Variants in SLC24A3 observed in about 807,000 individuals in gnomAD.
SLC24A3 encodes the protein solute carrier family 24 member 3.
SLC24A3 carries 28 observed loss-of-function variants against 75.8 expected under a neutral mutation model. That is an observed-to-expected ratio of 0.37 (90% CI 0.27 to 0.51). The LOEUF (loss-of-function observed/expected upper bound fraction) is 0.51. SLC24A3 is among the 20% of genes least tolerant of loss of function. The pLI, the probability that SLC24A3 is intolerant of heterozygous loss-of-function variation, is 0.94. For synonymous variants in SLC24A3, 372 were observed against 334.1 expected, an observed-to-expected ratio of 1.11 and a Z score of -1.24; for missense variants, 663 against 847.8, an observed-to-expected ratio of 0.78 and a Z score of 2.71.
At chr20:19,433,955 G>A (rs1195838916) in intron 2 of SLC24A3, among the ~76,000 whole-genome samples, 2 of 152,204 alleles carry the variant, frequency 1.3e-5, no homozygotes, top group African/African-American at 2.4e-5. Context: ...GGTTGGGTGT[G>A]AGCTCTGGAT....
At chr20:19,509,552 A>G (rs781306468) in intron 2 of SLC24A3, among the ~76,000 whole-genome samples, 9 of 152,230 alleles carry the variant, frequency 5.9e-5, no homozygotes, top group African/African-American at 9.6e-5. Flanking sequence ...AGAAAATCGC[A>G]TGCCCCACAC....
intron 15 of SLC24A3, among the ~76,000 whole-genome samples, chr20:19,704,109 G>A (rs1164891662): frequency 6.6e-6 from 1 of 152,188 alleles, no homozygotes; most frequent in African/African-American, 2.4e-5. Context: ...CTAGCGCAGT[G>A]CTTGGCACTT....
At chr20:19,637,129 T>A (rs998547256) in intron 6 of SLC24A3, among the ~76,000 whole-genome samples, 1 of 140,792 alleles carries the variant, frequency 7.1e-6, no homozygotes, top group African/African-American at 2.4e-5. Flanking sequence ...CAAAACCCCG[T>A]CTCTACTAAA....
At chr20:19,368,672 C>G (rs1238288071) in intron 2 of SLC24A3, among the ~76,000 whole-genome samples, 1 of 152,212 alleles carries the variant, frequency 6.6e-6, no homozygotes, top group Non-Finnish European at 1.5e-5. Flanking sequence ...GGGCAGGCAG[C>G]CATGACAACC....
At chr20:19,275,989 G>T (rs969561278) in intron 1 of SLC24A3, among the ~76,000 whole-genome samples, 5 of 152,206 alleles carry the variant, frequency 3.3e-5, no homozygotes, top group Admixed American at 2.6e-4. Flanking sequence ...GAATGCCATG[G>T]ACAGGGGCCA....
At chr20:19,418,095 T>C (rs1173113927) in intron 2 of SLC24A3, among the ~76,000 whole-genome samples, 1 of 152,196 alleles carries the variant, frequency 6.6e-6, no homozygotes, top group Non-Finnish European at 1.5e-5. Flanking sequence ...TCAGTCAACA[T>C]TTTAGCTCCT....
chr20:19,358,611 T>C (rs1212264820), intron 2 of SLC24A3, among the ~76,000 whole-genome samples: 3 of 152,214 alleles, frequency 2.0e-5, no homozygotes, highest in African/African-American at 4.8e-5. Context: ...ATCTTCCTTT[T>C]AAGAAAACAT....
chr20:19,392,771 T>A (rs1363641266), intron 2 of SLC24A3, among the ~76,000 whole-genome samples: 1 of 152,206 alleles, frequency 6.6e-6, no homozygotes. Context: ...TCATGCATCT[T>A]CATTTCAGAT....
intron 4 of SLC24A3, 23 bp from the exon 5 acceptor site, chr20:19,584,948 G>C: frequency 6.2e-7 from 1 of 1,604,752 alleles, no homozygotes; most frequent in Non-Finnish European, 8.5e-7. Context: ...ACTCACCTGT[G>C]CTTTGTCTTT....
intron 6 of SLC24A3, among the ~76,000 whole-genome samples, chr20:19,645,089 C>A (rs572269843): frequency 1.3e-5 from 2 of 152,294 alleles, no homozygotes; most frequent in East Asian, 3.9e-4. Flanking sequence ...GAGTGAATGG[C>A]TAACTCTTCT....
intron 2 of SLC24A3, among the ~76,000 whole-genome samples, chr20:19,286,578 G>A (rs774126000): frequency 3.9e-5 from 6 of 152,132 alleles, no homozygotes; most frequent in South Asian, 2.1e-4. Context: ...ACCGCCCAAG[G>A]TCAGAGGGCT....
chr20:19,531,927 GTAT>G (rs1352814190), intron 3 of SLC24A3, among the ~76,000 whole-genome samples: 1 of 152,170 alleles, frequency 6.6e-6, no homozygotes, highest in Non-Finnish European at 1.5e-5. Flanking sequence ...CATGACAGAA[GTAT>G]TATCTCCTCC....
intron 2 of SLC24A3, among the ~76,000 whole-genome samples, chr20:19,446,084 C>A (rs1487681512): frequency 6.6e-6 from 1 of 152,176 alleles, no homozygotes; most frequent in Non-Finnish European, 1.5e-5. Context: ...CACCAGAACT[C>A]TGACTCATCT....
At chr20:19,481,514 A>G (rs1988053435) in intron 2 of SLC24A3, among the ~76,000 whole-genome samples, 1 of 152,202 alleles carries the variant, frequency 6.6e-6, no homozygotes, top group South Asian at 2.1e-4. Flanking sequence ...AGAATCTGGC[A>G]GAGATTCAGG....
intron 1 of SLC24A3, among the ~76,000 whole-genome samples, chr20:19,255,540 G>A (rs1019040014): frequency 6.6e-6 from 1 of 152,366 alleles, no homozygotes; most frequent in African/African-American, 2.4e-5. Flanking sequence ...GCCACTGGAT[G>A]GTCCCAGGAA....
intron 2 of SLC24A3, among the ~76,000 whole-genome samples, chr20:19,503,195 C>T (rs1413881074): frequency 6.6e-6 from 1 of 152,094 alleles, no homozygotes; most frequent in Non-Finnish European, 1.5e-5. Flanking sequence ...TAATCTGTAA[C>T]CCAAAATCCT....
At chr20:19,308,963 CTG>C (rs1362308921) in intron 2 of SLC24A3, among the ~76,000 whole-genome samples, 2 of 152,224 alleles carry the variant, frequency 1.3e-5, no homozygotes, top group African/African-American at 4.8e-5. Context: ...ACGTTCTTGT[CTG>C]TGAGTCACAG....
In SLC24A3 at chr20:19,691,929, C is replaced by T. The variant is rs578193264; in HGVS notation, c.1325-1330C>T. Among the ~76,000 whole-genome samples the T allele has an allele frequency of 7.2e-5, 11 of 152,206 alleles. No individual in the cohort carries two copies. In the South Asian group the frequency reaches 1.5e-3, roughly 20 times the overall value. On this transcript the variant is annotated intron_variant, in intron 12 of 16. Transcript: ENST00000328041. ...AACTCATAAGCCACAGAGCAGGGAC[C>T]GGAGCCCAGCACCATCTAATGAGAA...
At chr20:19,636,930 G>A (rs2122692555) in intron 6 of SLC24A3, among the ~76,000 whole-genome samples, 1 of 152,108 alleles carries the variant, frequency 6.6e-6, no homozygotes, top group East Asian at 1.9e-4. Context: ...CAGGGATATT[G>A]AAGCCATAAA....
Sources: gnomAD v4.1 joint callset for allele counts (sites outside exome capture counted in the v4.1 genomes callset) on GRCh38, gnomAD v4.1.1 for gene constraint, MANE v1.5 for transcripts, NCBI Gene and HGNC (gene_info 2026-07-23, HGNC 2026-07-21) for gene names.